Variants in TTLL5 observed in about 807,000 individuals in gnomAD.
The protein encoded by TTLL5 is tubulin polyglutamylase TTLL5.
TTLL5 carries 132 observed loss-of-function variants against 168.4 expected under a neutral mutation model. The ratio of observed to expected loss-of-function variants is 0.78; its 90% CI spans 0.68 to 0.91. The LOEUF is 0.91. Among genes scored for constraint, TTLL5 ranks in the 40% least tolerant of loss-of-function variants. The pLI is 0.00. For missense variants in TTLL5, 1,545 were observed against 1,581.5 expected (o/e 0.98, Z 0.39); for synonymous variants, 546 against 558.6 (o/e 0.98, Z 0.32).
intron 27 of TTLL5, among the ~76,000 whole-genome samples, chr14:75,818,822 A>T (rs1391253852): frequency 6.6e-6 from 1 of 152,132 alleles, no homozygotes; most frequent in African/African-American, 2.4e-5. Context: ...ATGTTAATGC[A>T]TACGTAATAT....
intron 9 of TTLL5, among the ~76,000 whole-genome samples, chr14:75,714,225 A>G (rs1236671817): frequency 6.6e-6 from 1 of 152,188 alleles, no homozygotes; most frequent in African/African-American, 2.4e-5. Flanking sequence ...ATTGCATTAT[A>G]TGTGATGGCA....
At chr14:75,693,999 C>G (rs1057133276) in intron 6 of TTLL5, among the ~76,000 whole-genome samples, 3 of 152,096 alleles carry the variant, frequency 2.0e-5, no homozygotes, top group Admixed American at 6.5e-5. Flanking sequence ...ACTTGAAAAG[C>G]CAGAATTACA....
intron 19 of TTLL5, among the ~76,000 whole-genome samples, chr14:75,765,825 G>C (rs547897104): frequency 6.6e-6 from 1 of 152,234 alleles, no homozygotes; most frequent in East Asian, 1.9e-4. Flanking sequence ...TCCTGCCACT[G>C]CCCTCCAGCC....
chr14:75,716,701 A>C (rs1887487227), intron 9 of TTLL5, among the ~76,000 whole-genome samples: 1 of 152,152 alleles, frequency 6.6e-6, no homozygotes, highest in South Asian at 2.1e-4. Context: ...GATATCTACC[A>C]TAACCATTCG....
chr14:75,929,569 C>T (rs554495883), intron 31 of TTLL5, among the ~76,000 whole-genome samples: 12 of 151,470 alleles, frequency 7.9e-5, no homozygotes, highest in African/African-American at 2.9e-4. Flanking sequence ...CTCTCTGCCT[C>T]AGCCGCCCAA....
At chr14:75,795,415 G>A (rs1050731834) in intron 27 of TTLL5, among the ~76,000 whole-genome samples, 2 of 152,030 alleles carry the variant, frequency 1.3e-5, no homozygotes, top group African/African-American at 4.8e-5. Context: ...TATATTTATG[G>A]GGTACATACG....
At chr14:75,710,902 C>T (rs923904099) in intron 9 of TTLL5, 4 of 152,098 alleles carry the variant, frequency 2.6e-5, no homozygotes, top group African/African-American at 7.2e-5. Flanking sequence ...CCTAAAGAGA[C>T]GGAACAGGAG....
rs2031937128 is a variant in TTLL5 at position 75,883,625 on chromosome 14, A to G, written c.3740+723A>G. On this transcript the variant is annotated intron_variant, in intron 30 of 31. Transcript: ENST00000298832. ...AGTTGTGAGAAGAATCCTAAAACAT[A>G]GAAAAAGTCATTACTGTTTTTTCCT... Among the ~76,000 whole-genome samples the G allele has an allele frequency of 2.0e-5, 3 of 152,368 alleles. No homozygotes were observed. The South Asian group carries it at 6.2e-4, about 32-fold the overall frequency.
chr14:75,806,636 C>G (rs932611265), intron 27 of TTLL5, among the ~76,000 whole-genome samples: 4 of 152,194 alleles, frequency 2.6e-5, no homozygotes, highest in African/African-American at 9.7e-5. Flanking sequence ...CCACTTCACT[C>G]ATATGCATAC....
intron 15 of TTLL5, among the ~76,000 whole-genome samples, chr14:75,737,365 C>T (rs750890827): frequency 1.3e-5 from 2 of 152,162 alleles, no homozygotes; most frequent in Non-Finnish European, 2.9e-5. Flanking sequence ...GAAGTTGAAG[C>T]TGGAATATAT....
At chr14:75,731,569 C>A (rs1291430704) in intron 12 of TTLL5, among the ~76,000 whole-genome samples, 1 of 152,082 alleles carries the variant, frequency 6.6e-6, no homozygotes, top group Non-Finnish European at 1.5e-5. Flanking sequence ...TTTCTCTTTG[C>A]AACAGTTGGG....
intron 5 of TTLL5, chr14:75,684,082 A>T: frequency 5.1e-6 from 1 of 194,362 alleles, no homozygotes; most frequent in East Asian, 1.4e-4. Flanking sequence ...CCAGAAGAAG[A>T]AATTTTTCTG....
At chr14:75,911,137 C>T (rs372329300) in intron 31 of TTLL5, among the ~76,000 whole-genome samples, 13 of 152,300 alleles carry the variant, frequency 8.5e-5, no homozygotes, top group South Asian at 2.1e-4. Context: ...AAACAACTCT[C>T]GAGCCTTCGC....
Position 75,830,633 on chromosome 14 carries a change from A to G in TTLL5, c.3326+10472A>G, listed in dbSNP as rs148987477. On this transcript the variant is annotated intron_variant, in intron 28 of 31. Transcript: ENST00000298832. Reference sequence around the variant, plus strand: ...TGGAACACAAATATATAAGCCTTGTATATTTTCCCATCACCACATCCTCAC... The same window carrying G: ...TGGAACACAAATATATAAGCCTTGTGTATTTTCCCATCACCACATCCTCAC... Among the ~76,000 whole-genome samples the G allele has an allele frequency of 2.0e-5, 3 of 152,324 alleles. No individual in the cohort carries two copies. In the East Asian group the frequency reaches 5.8e-4, roughly 29 times the overall value.
intron 28 of TTLL5, among the ~76,000 whole-genome samples, chr14:75,823,835 T>C (rs1162027096): frequency 1.3e-5 from 2 of 152,182 alleles, no homozygotes; most frequent in Admixed American, 6.5e-5. Context: ...GAGTGGGAAA[T>C]CTTGAGAAGT....
rs5809741 is a variant in TTLL5 at position 75,940,077 on chromosome 14, C to CTTT, written c.3824-14327_3824-14325dup. 2.0e-4 allele frequency among the ~76,000 whole-genome samples: 16 copies of CTTT among 78,816 alleles called. 1 individual carries two copies. The highest frequency in any genetic ancestry group is 4.1e-4 in the African/African-American group (8 of 19,542). 51.7% of individuals were successfully genotyped at this position (78,816 alleles called of 152,430 possible). On this transcript the variant is annotated intron_variant, in intron 31 of 31. Coordinates refer to ENST00000298832, the MANE Select transcript of TTLL5 (RefSeq NM_015072.5). ...AGAGCTCCCTATAAAGAAATTAAAT[C>CTTT]TTTTTTTTTTTTTTTTTTTTTTGAG...
At position 75,803,098 on chromosome 14, in the gene TTLL5, T is replaced by C. The variant is rs1268198240; in HGVS notation, c.3171+9998T>C. On this transcript the variant is annotated intron_variant, in intron 27 of 31. Transcript: ENST00000298832. ...GTGAAGGAACTTGTCCTTTGTCTCT[T>C]AGATGATGGAGATTCTCTGAGACAC... 4 of 152,370 alleles carry C rather than the reference T, an allele frequency of 2.6e-5. 1 individual carries two copies. The highest frequency in any genetic ancestry group is 9.6e-5 in the African/African-American group (4 of 41,556). 9.4% of individuals were successfully genotyped at this position (152,370 alleles called of 1,614,324 possible).
intron 29 of TTLL5, among the ~76,000 whole-genome samples, chr14:75,868,214 A>C (rs2030699619): frequency 6.6e-6 from 1 of 152,160 alleles, no homozygotes. Flanking sequence ...CCTCATCCAC[A>C]GTGAAAAAGA....
intron 30 of TTLL5, 32 bp downstream of exon 30, chr14:75,882,934 T>C (rs567840129): frequency 6.3e-7 from 1 of 1,598,132 alleles, no homozygotes; most frequent in East Asian, 2.2e-5. Flanking sequence ...TTCTACTGAG[T>C]TTTATCAGTT....
Sources: allele counts gnomAD v4.1 joint callset (sites outside exome capture counted in the v4.1 genomes callset), GRCh38; gene constraint gnomAD v4.1.1; transcripts MANE v1.5; gene names NCBI Gene and HGNC (gene_info 2026-07-23, HGNC 2026-07-21).